The following WDPCP variants were observed in gnomAD, a reference collection of about 807,000 sequenced individuals.
The protein encoded by WDPCP is WD repeat containing planar cell polarity effector.
WDPCP carries 71 observed loss-of-function variants against 93.1 expected under a neutral mutation model. The ratio of observed to expected loss-of-function variants is 0.76; its 90% CI spans 0.63 to 0.93. WDPCP has a LOEUF of 0.93. Ranked by LOEUF, WDPCP falls within the 40% of genes least tolerant of loss-of-function variation. The pLI is 0.00. For synonymous variants in WDPCP, 315 were observed against 315.0 expected (o/e 1.00, Z 0.00); for missense variants, 844 against 887.4 (o/e 0.95, Z 0.62).
chr2:63,547,965 T>C (rs1705280142), intron 1 of WDPCP, among the ~76,000 whole-genome samples: 1 of 152,102 alleles, frequency 6.6e-6, no homozygotes, highest in Non-Finnish European at 1.5e-5. Context: ...AAGTTAAATA[T>C]TTAAGGTGAG....
chr2:63,413,615 G>A (rs894368876), intron 9 of WDPCP, among the ~76,000 whole-genome samples: 1 of 152,090 alleles, frequency 6.6e-6, no homozygotes, highest in Non-Finnish European at 1.5e-5. Context: ...GGCTAACATG[G>A]TGAAATCCCA....
intron 14 of WDPCP, among the ~76,000 whole-genome samples, chr2:63,210,355 C>T (rs1676675567): frequency 6.6e-6 from 1 of 152,050 alleles, no homozygotes; most frequent in Admixed American, 6.5e-5. Context: ...TTAAAAGTTT[C>T]ACAGATTAAA....
At chr2:63,489,656 C>T (rs1379258368) in intron 2 of WDPCP, among the ~76,000 whole-genome samples, 1 of 151,962 alleles carries the variant, frequency 6.6e-6, no homozygotes, top group Non-Finnish European at 1.5e-5. Flanking sequence ...CAGAAGCCAG[C>T]TTGAAGAGGG....
At chr2:63,782,637 T>C (rs1234067552) in intron 2 of WDPCP, among the ~76,000 whole-genome samples, 1 of 152,062 alleles carries the variant, frequency 6.6e-6, no homozygotes, top group Non-Finnish European at 1.5e-5. Context: ...CAGTCAGAAT[T>C]TTAAAATTCT....
intron 14 of WDPCP, among the ~76,000 whole-genome samples, chr2:63,193,941 A>G (rs2104256645): frequency 1.3e-5 from 2 of 152,286 alleles, no homozygotes; most frequent in Middle Eastern, 6.8e-3. Flanking sequence ...GAGCTTGCTG[A>G]TTTATTTAAT....
At chr2:63,500,495 C>T (rs987029628) in intron 1 of WDPCP, among the ~76,000 whole-genome samples, 1 of 119,412 alleles carries the variant, frequency 8.4e-6, no homozygotes, top group Admixed American at 8.7e-5. Context: ...AGTGGTTATA[C>T]AGTGATCAAA....
intron 2 of WDPCP, among the ~76,000 whole-genome samples, chr2:63,688,466 A>G (rs796704415): frequency 1.3e-5 from 2 of 151,784 alleles, no homozygotes; most frequent in South Asian, 4.1e-4. Flanking sequence ...TCATGGAGAT[A>G]GAGAGTAGAA....
intron 13 of WDPCP, among the ~76,000 whole-genome samples, chr2:63,295,550 AATATT>A (rs71955730): frequency 0.81 from 122,392 of 151,288 alleles, 50,293 homozygotes; most frequent in East Asian, 0.96. Flanking sequence ...TAAAAAAAAG[AATATT>A]ATATAAGTAC....
At chr2:63,381,525 T>TA (rs1008169627) in intron 11 of WDPCP, among the ~76,000 whole-genome samples, 14 of 152,216 alleles carry the variant, frequency 9.2e-5, no homozygotes, top group Non-Finnish European at 1.6e-4. Context: ...TATTGATATC[T>TA]AATGTGAGGG....
chr2:63,129,237 C>T (rs1427747489), intron 17 of WDPCP, among the ~76,000 whole-genome samples: 1 of 152,178 alleles, frequency 6.6e-6, no homozygotes, highest in Non-Finnish European at 1.5e-5. Context: ...TTGCTATGAA[C>T]ACAGGTGTGA....
rs780747074 is a variant in WDPCP, at chr2:63,324,219, A to G, written c.1749-10908T>C. The stretch of plus-strand genomic sequence containing the variant: ...AATACCTTATGTCCAAACTCTTTTC[A>G]TTGAAGGAGAATACATGACTATGCA... On this transcript the variant is annotated intron_variant, in intron 12 of 17. Coordinates refer to ENST00000272321, the MANE Select transcript of WDPCP (RefSeq NM_015910.7). Among the ~76,000 whole-genome samples, 3 of 152,176 alleles carry G rather than the reference A, an allele frequency of 2.0e-5. No homozygotes were observed. In the South Asian group the frequency reaches 6.2e-4, roughly 32 times the overall value.
At chr2:63,709,394 G>C (rs2054119) in intron 2 of WDPCP, among the ~76,000 whole-genome samples, 117,712 of 151,980 alleles carry the variant, frequency 0.77, 46,879 homozygotes, top group African/African-American at 0.89. Flanking sequence ...GGCTTTGGTG[G>C]TATTATCATA....
intron 13 of WDPCP, among the ~76,000 whole-genome samples, chr2:63,297,522 T>A (rs1008735315): frequency 2.6e-5 from 4 of 152,120 alleles, no homozygotes; most frequent in Non-Finnish European, 5.9e-5. Context: ...TACAGTCAGG[T>A]ATGTGGAGGA....
In WDPCP at chr2:63,121,443, G is replaced by GGC. The variant is rs1669546149; in HGVS notation, c.*561_*562dup. 2 of 144,410 alleles carry GGC rather than the reference G, an allele frequency of 1.4e-5. No individual in the cohort carries two copies. The highest frequency in any genetic ancestry group is 5.2e-5 in the African/African-American group (2 of 38,510). 8.9% of individuals were successfully genotyped at this position (144,410 alleles called of 1,614,324 possible). A position where few individuals can be genotyped will look rare whatever the true frequency, so the allele number is the denominator to read the frequency against. ...TCTGTTGCCCAGGTTAGAGTGCAGT[G>GGC]GCGCGATCACAGCTCACTGTAGCCT... On this transcript the variant is annotated 3_prime_UTR_variant, in exon 18 of 18. Coordinates refer to ENST00000272321, the MANE Select transcript of WDPCP (RefSeq NM_015910.7).
intron 1 of WDPCP, among the ~76,000 whole-genome samples, chr2:63,546,881 G>A (rs962068045): frequency 6.6e-6 from 1 of 151,592 alleles, no homozygotes; most frequent in Non-Finnish European, 1.5e-5. Flanking sequence ...AAAAAACAGG[G>A]TTGGAAATAC....
chr2:63,206,457 AT>A (rs1225767636), intron 14 of WDPCP, among the ~76,000 whole-genome samples: 4 of 151,506 alleles, frequency 2.6e-5, no homozygotes, highest in African/African-American at 9.7e-5. Flanking sequence ...TATTAATTTT[AT>A]TTTTTTCATT....
chr2:63,135,114 C>T (rs1424018451), intron 17 of WDPCP, among the ~76,000 whole-genome samples: 1 of 152,082 alleles, frequency 6.6e-6, no homozygotes, highest in African/African-American at 2.4e-5. Context: ...CAGAGCCAGA[C>T]CCTGTCTCAA....
chr2:63,284,922 G>C (rs547818400), intron 13 of WDPCP, among the ~76,000 whole-genome samples: 19 of 152,094 alleles, frequency 1.2e-4, no homozygotes, highest in African/African-American at 3.9e-4. Flanking sequence ...CATGGACATA[G>C]ACACACAAAA....
At chr2:63,386,887 A>G (rs1692777019) in intron 10 of WDPCP, among the ~76,000 whole-genome samples, 1 of 152,112 alleles carries the variant, frequency 6.6e-6, no homozygotes, top group African/African-American at 2.4e-5. Context: ...TAGAAAACCT[A>G]GAAGATATGA....
Sources: gnomAD v4.1 joint callset for allele counts (sites outside exome capture counted in the v4.1 genomes callset) on GRCh38, gnomAD v4.1.1 for gene constraint, MANE v1.5 for transcripts, NCBI Gene and HGNC (gene_info 2026-07-23, HGNC 2026-07-21) for gene names.